ESYT1: variants seen among roughly 807,000 people sequenced by gnomAD.
The protein encoded by ESYT1 is extended synaptotagmin-1.
Under a neutral mutation model 154.2 loss-of-function variants are expected in ESYT1, and 116 were observed. That is an observed-to-expected ratio of 0.75 (90% confidence interval 0.65 to 0.88). The LOEUF is 0.88. Ranked by LOEUF, ESYT1 falls within the 40% of genes least tolerant of loss-of-function variation. The probability of loss-of-function intolerance (pLI) is 0.00; values close to 1 mark genes in which losing one functional copy is unlikely to be tolerated. For missense variants in ESYT1, 1,264 were observed against 1,379.3 expected (o/e 0.92, Z 1.32); for synonymous variants, 500 against 539.9 (o/e 0.93, Z 1.02).
intron 21 of ESYT1, 23 bp downstream of exon 21, chr12:56,138,295 G>T: frequency 1.2e-6 from 2 of 1,613,930 alleles, no homozygotes; most frequent in Non-Finnish European, 1.7e-6. Context: ...ACTTGAGGAA[G>T]GAAGGGACCC....
rs1182115492 is a variant in ESYT1, at chr12:56,138,230, G to A, written c.2295G>A (p.Leu765=). Residue 765 remains leucine, a synonymous_variant, in exon 21 of 31, where the codon CTG becomes CTA. Transcript: ENST00000394048. The stretch of plus-strand genomic sequence containing the variant: ...CATCTGGCCGCCTGCACTTGCGCCT[G>A]GAGCGTCTCACCCCCCGTCCCACTG... ...DVPSGRLHLR[L]ERLTPRPTAA... 6.2e-7 allele frequency: 1 copy of A among 1,614,194 alleles called. No homozygotes were observed. The highest frequency in any genetic ancestry group is 1.1e-5 in the South Asian group (1 of 91,082).
At chr12:56,135,196 T>C (rs1870398705) in intron 15 of ESYT1, among the ~76,000 whole-genome samples, 1 of 151,366 alleles carries the variant, frequency 6.6e-6, no homozygotes, top group Admixed American at 6.6e-5. Flanking sequence ...TTGAGACAGT[T>C]TCGCTTTTGT....
rs572579155 is a variant in ESYT1 at position 56,139,518 on chromosome 12, G to C, written c.2592+505G>C. Reference sequence around the variant, plus strand: ...CTGAGGTAAAAGGCACTGTGGGGAAGAAAGGAAGGGTTCAGGCTGGGGAAA... The same window carrying C: ...CTGAGGTAAAAGGCACTGTGGGGAACAAAGGAAGGGTTCAGGCTGGGGAAA... On this transcript the variant is annotated intron_variant, in intron 24 of 30. Coordinates refer to ENST00000394048, the MANE Select transcript of ESYT1 (RefSeq NM_015292.3). Among the ~76,000 whole-genome samples, 11 of 151,544 alleles carry C rather than the reference G, an allele frequency of 7.3e-5. No individual in the cohort carries two copies. The South Asian group carries it at 2.3e-3, about 32-fold the overall frequency.
chr12:56,133,340 G>A lies in ESYT1; in HGVS notation c.1245-77G>A, dbSNP rs1047795073. The A allele has an allele frequency of 5.2e-6, 8 of 1,534,900 alleles. No homozygotes were observed. The African/African-American group carries it at 6.8e-5, about 13-fold the overall frequency. ...CCAGTCATTTCTGGGTGGGTGAGTG[G>A]AGGGCCACTGACATGCTGCTAATTA... On this transcript the variant is annotated intron_variant, in intron 10 of 30. Transcript: ENST00000394048.
chr12:56,135,763 G>A (rs184358640), intron 15 of ESYT1, among the ~76,000 whole-genome samples: 11 of 151,700 alleles, frequency 7.3e-5, no homozygotes, highest in East Asian at 5.9e-4. Flanking sequence ...ATGGTGGTGC[G>A]TGCCTGTAAT....
Position 56,128,560 on chromosome 12 carries a change from G to A in ESYT1, c.241G>A (p.Val81Met). The change falls in exon 1 of 31, where the codon GTG (valine) becomes ATG (methionine). Residue 81 changes from valine (V) to methionine (M), a missense_variant. Val to Met is a conservative substitution (Grantham distance 21). Coordinates refer to ENST00000394048, the MANE Select transcript of ESYT1 (RefSeq NM_015292.3). ...AGAVGLSVGF[V>M]LFGLALYLGW... ...GGCAGTGGGACTCAGCGTGGGTTTC[G>A]TGCTCTTCGGCCTCGCCCTCTACCT... 1 of 1,613,746 alleles carries A rather than the reference G, an allele frequency of 6.2e-7. No individual in the cohort carries two copies.
intron 7 of ESYT1, 88 bp from the exon 8 acceptor site, chr12:56,132,121 G>A: frequency 2.5e-6 from 4 of 1,592,470 alleles, no homozygotes; most frequent in Non-Finnish European, 3.4e-6. Context: ...ACAGCTTTAG[G>A]TCTCTCTTGG....
rs1048325271 is a variant in ESYT1, at chr12:56,130,621, A to G, written c.430A>G (p.Lys144Glu). 6.2e-7 allele frequency: 1 copy of G among 1,614,002 alleles called. No homozygotes were observed. The highest frequency in any genetic ancestry group is 8.5e-7 in the Non-Finnish European group (1 of 1,180,030). ...PDVEKAEWLN[K>E]IVAQVWPFLG... ...CGTGGAAAAGGCTGAATGGCTCAATAAGGTGAGGATTGATTTGATTTTTAG... is the reference window on the plus strand; with the variant it reads ...CGTGGAAAAGGCTGAATGGCTCAATGAGGTGAGGATTGATTTGATTTTTAG... The change falls in exon 2 of 31, where the codon AAG (lysine) becomes GAG (glutamate). Residue 144 changes from lysine to glutamate, a missense_variant and splice_region_variant. Lys to Glu is a moderately conservative substitution (Grantham distance 56). Coordinates refer to ENST00000394048, the MANE Select transcript of ESYT1 (RefSeq NM_015292.3).
chr12:56,128,376 T>A lies in ESYT1; in HGVS notation c.57T>A (p.Ala19=), dbSNP rs1432586385. Residue 19 remains alanine (A), a synonymous_variant, in exon 1 of 31, where the codon GCT becomes GCA. Transcript: ENST00000394048. The part of the protein sequence containing the change: ...PSPSPMDQPS[A]PSDPTDQPPA... Reference sequence around the variant, plus strand: ...CCAGCCCCATGGACCAGCCCTCTGCTCCCTCCGACCCCACTGACCAGCCCC... The same window carrying A: ...CCAGCCCCATGGACCAGCCCTCTGCACCCTCCGACCCCACTGACCAGCCCC... 1.2e-6 allele frequency: 2 copies of A among 1,612,352 alleles called. No homozygotes were observed. Among genetic ancestry groups the A allele is most frequent in the Non-Finnish European group, 1.7e-6 (2 of 1,179,308 alleles).
chr12:56,131,677 G>A, intron 6 of ESYT1, 72 bp from the exon 7 acceptor site: 1 of 1,605,492 alleles, frequency 6.2e-7, no homozygotes. Flanking sequence ...AGGCCGAGGG[G>A]TTCTGGCAAC....
At chr12:56,135,084 A>G (rs1391595943) in intron 15 of ESYT1, among the ~76,000 whole-genome samples, 1 of 151,972 alleles carries the variant, frequency 6.6e-6, no homozygotes, top group African/African-American at 2.4e-5. Flanking sequence ...TTTTAGGTAT[A>G]CAAAAATTAT....
rs144202837 is a variant in ESYT1, at chr12:56,128,656, G to A, written c.337G>A (p.Glu113Lys). 1.2e-6 allele frequency: 2 copies of A among 1,614,054 alleles called. No individual in the cohort carries two copies. The highest frequency in any genetic ancestry group is 1.7e-6 in the Non-Finnish European group (2 of 1,180,052). The stretch of plus-strand genomic sequence containing the variant: ...AGCGAGGCAGCTACTGGACGACGAG[G>A]AGCAGCTCACTGCGAAAACTCTCTA... Reference protein sequence around the residue: ...RAARQLLDDEEQLTAKTLYMS... With the variant: ...RAARQLLDDEKQLTAKTLYMS... Residue 113 changes from glutamate (E) to lysine (K), a missense_variant, in exon 1 of 31, where the codon GAG becomes AAG. Physicochemically the swap from Glu to Lys is moderately conservative, Grantham distance 56 (BLOSUM62 1). Coordinates refer to ENST00000394048, the MANE Select transcript of ESYT1 (RefSeq NM_015292.3).
intron 16 of ESYT1, 146 bp from the exon 17 acceptor site, chr12:56,137,072 G>C: frequency 7.8e-7 from 1 of 1,280,790 alleles, no homozygotes; most frequent in Non-Finnish European, 1.1e-6. Context: ...AGTTGAGGGG[G>C]TGTGGAGGGA....
chr12:56,142,913 C>A lies in ESYT1; in HGVS notation c.2967C>A (p.Val989=). The change falls in exon 27 of 31, where the codon GTC becomes GTA. Residue 989 remains valine, a synonymous_variant. Coordinates refer to ENST00000394048, the MANE Select transcript of ESYT1 (RefSeq NM_015292.3). The surrounding 1 kb of genome is among the most constrained non-coding windows in gnomAD (Gnocchi z 4.1). ...ACTACAGTGAAGAACGAAAGCTGGT[C>A]AGCATTGTTCATGGTTGCCGGTGAG... ...LWYYSEERKL[V]SIVHGCRSLR... is the part of the protein sequence containing the mutation. 6.2e-7 allele frequency: 1 copy of A among 1,614,128 alleles called. No individual in the cohort carries two copies. Among genetic ancestry groups the A allele is most frequent in the South Asian group, 1.1e-5 (1 of 91,036 alleles).
At chr12:56,130,967 G>T (rs1157660180) in intron 3 of ESYT1, 42 bp downstream of exon 3, 1 of 1,613,990 alleles carries the variant, frequency 6.2e-7, no homozygotes, top group Non-Finnish European at 8.5e-7. Flanking sequence ...GGCTAGGGAG[G>T]GTGAGTGGCC....
chr12:56,133,111 ACT>A (rs1401271838), intron 10 of ESYT1, among the ~76,000 whole-genome samples: 5 of 151,448 alleles, frequency 3.3e-5, no homozygotes, highest in African/African-American at 4.9e-5. Context: ...ACAGAGCGAG[ACT>A]CTGTCTCTAA....
At chr12:56,130,557 CTG>C (rs752419954) in intron 1 of ESYT1, 23 bp from the exon 2 acceptor site, 9 of 1,613,116 alleles carry the variant, frequency 5.6e-6, no homozygotes, top group Non-Finnish European at 7.6e-6. Flanking sequence ...CTGCACGTCA[CTG>C]TCTCTGCCTT....
At chr12:56,131,851 T>G (rs746178567) in intron 7 of ESYT1, 47 bp downstream of exon 7, 25 of 1,598,550 alleles carry the variant, frequency 1.6e-5, no homozygotes, top group Non-Finnish European at 2.1e-5. Context: ...AGCGCTGGGT[T>G]GGGGGTTTAA....
rs541825615 is a variant in ESYT1, at chr12:56,143,638, C to G, written c.3275+9C>G. The G allele has an allele frequency of 1.2e-6, 2 of 1,613,740 alleles. No homozygotes were observed. The highest frequency in any genetic ancestry group is 1.3e-5 in the African/African-American group (1 of 74,890). ...CAGGGTGTAGCCCGGTGGTGAGTGTCTGCGTGGGTGGGGGATGGTCTGGAT... is the reference window on the plus strand; with the variant it reads ...CAGGGTGTAGCCCGGTGGTGAGTGTGTGCGTGGGTGGGGGATGGTCTGGAT... On this transcript the variant is annotated intron_variant, in intron 30 of 30. Transcript: ENST00000394048.
Sources: allele counts gnomAD v4.1 joint callset (sites outside exome capture counted in the v4.1 genomes callset), GRCh38; gene constraint gnomAD v4.1.1; non-coding constraint Gnocchi (gnomAD v3.1); transcripts MANE v1.5; gene names NCBI Gene and HGNC (gene_info 2026-07-23, HGNC 2026-07-21).